NFKB1: variants seen among roughly 807,000 people sequenced by gnomAD.
NFKB1 encodes the protein nuclear factor kappa B subunit 1.
In NFKB1, 9 loss-of-function variants were observed where a neutral mutation model predicts 105.1. The observed-to-expected ratio is 0.09, with a 90% CI of 0.05 to 0.15. The LOEUF (loss-of-function observed/expected upper bound fraction) is 0.15. Ranked by LOEUF, NFKB1 falls within the 10% of genes least tolerant of loss-of-function variation. The pLI, the probability that NFKB1 is intolerant of heterozygous loss-of-function variation, is 1.00. For missense variants in NFKB1, 830 were observed against 1,203.7 expected, an observed-to-expected ratio of 0.69 and a Z score of 4.59; for synonymous variants, 440 against 442.2, an observed-to-expected ratio of 1.00 and a Z score of 0.06.
chr4:102,607,221 G>A lies in NFKB1; in HGVS notation c.2026G>A (p.Ala676Thr). 1 of 1,614,200 alleles carries A rather than the reference G, an allele frequency of 6.2e-7. No homozygotes were observed. The change falls in exon 18 of 24, where the codon GCT becomes ACT. Residue 676 changes from alanine (A) to threonine (T), a missense_variant. Physicochemically the swap from Ala to Thr is moderately conservative, Grantham distance 58. Transcript: ENST00000226574. ...PCLLLLVAAG[A>T]DVNAQEQKSG... ...TTTGCTGCTGCTGGTGGCCGCTGGG[G>A]CTGACGTCAATGCTCAGGAGCAGAA...
At chr4:102,601,152 C>T in intron 16 of NFKB1, 143 bp downstream of exon 16, 1 of 593,772 alleles carries the variant, frequency 1.7e-6, no homozygotes, top group Non-Finnish European at 3.0e-6. Context: ...TCTAAAATCC[C>T]ATTAGTTGAG....
intron 1 of NFKB1, chr4:102,511,052 T>C: frequency 1.4e-6 from 1 of 732,686 alleles, no homozygotes; most frequent in Non-Finnish European, 1.9e-6. Flanking sequence ...TTATAGAAGC[T>C]CTTCCATCTT....
chr4:102,556,039 CTG>C (rs1223508833), intron 5 of NFKB1, among the ~76,000 whole-genome samples: 11 of 152,072 alleles, frequency 7.2e-5, no homozygotes, highest in African/African-American at 2.4e-4. Context: ...AAGGGACAAA[CTG>C]AGATTTTTGG....
At chr4:102,600,149 AC>A (rs1468334298) in intron 15 of NFKB1, among the ~76,000 whole-genome samples, 3 of 152,212 alleles carry the variant, frequency 2.0e-5, no homozygotes, top group African/African-American at 7.2e-5. Context: ...AACTTGCTCC[AC>A]CTAGGAGGTT....
intron 1 of NFKB1, among the ~76,000 whole-genome samples, chr4:102,504,227 T>C (rs746077140): frequency 6.6e-6 from 1 of 152,164 alleles, no homozygotes; most frequent in Non-Finnish European, 1.5e-5. Context: ...CATCTTCGGG[T>C]CTTAGTAGAT....
In NFKB1 at chr4:102,601,127, C is replaced by T. The variant is rs147731013; in HGVS notation, c.1752+118C>T. 1.9e-4 allele frequency: 123 copies of T among 635,382 alleles called. No individual in the cohort carries two copies. In the African/African-American group the frequency reaches 2.0e-3, roughly 10 times the overall value. 39.4% of individuals were successfully genotyped at this position (635,382 alleles called of 1,614,324 possible). ...TAACAGTAGCAAAAACAAAAACAAA[C>T]CTTTGTAGGTAATATCTAAAATCCC... On this transcript the variant is annotated intron_variant, in intron 16 of 23. Coordinates refer to ENST00000226574, the MANE Select transcript of NFKB1 (RefSeq NM_003998.4).
chr4:102,574,397 T>TG (rs1397884390), intron 6 of NFKB1, among the ~76,000 whole-genome samples: 2 of 152,356 alleles, frequency 1.3e-5, no homozygotes, highest in East Asian at 3.9e-4. Context: ...CCTCCACCTC[T>TG]GTGGTGGTTC....
intron 5 of NFKB1, among the ~76,000 whole-genome samples, chr4:102,538,961 G>A (rs868035876): frequency 2.6e-5 from 4 of 151,946 alleles, no homozygotes; most frequent in South Asian, 2.1e-4. Context: ...AAATCTGGCC[G>A]GGCTCGTTGA....
In NFKB1 at chr4:102,616,701, C is replaced by T. The variant is rs1001852808; in HGVS notation, c.*107C>T. ...TCCAAAGGTGCTCAGAGAGCCGGCC[C>T]GCCTGAATCATTCTCGATTTAACTC... On this transcript the variant is annotated 3_prime_UTR_variant, in exon 24 of 24. Coordinates refer to ENST00000226574, the MANE Select transcript of NFKB1 (RefSeq NM_003998.4). 10 of 1,128,742 alleles carry T rather than the reference C, an allele frequency of 8.9e-6. No individual in the cohort carries two copies. In the East Asian group the frequency reaches 1.2e-4, roughly 14 times the overall value. The allele number at this position is 1,128,742 out of a possible 1,614,324, so 69.9% of individuals were successfully genotyped here.
intron 1 of NFKB1, among the ~76,000 whole-genome samples, chr4:102,524,600 T>A (rs1426204951): frequency 6.6e-6 from 1 of 152,170 alleles, no homozygotes; most frequent in African/African-American, 2.4e-5. Context: ...ATTATTAACA[T>A]TGTAATATGT....
At chr4:102,578,814 T>A in intron 7 of NFKB1, 67 bp from the exon 8 acceptor site, 1 of 1,527,506 alleles carries the variant, frequency 6.5e-7, no homozygotes, top group Non-Finnish European at 8.9e-7. Context: ...TTGGGCTTTA[T>A]AAAAGCATGG....
chr4:102,566,344 A>G (rs1578770250), intron 5 of NFKB1, among the ~76,000 whole-genome samples: 1 of 152,302 alleles, frequency 6.6e-6, no homozygotes, highest in South Asian at 2.1e-4. Context: ...ACTTTTTTGA[A>G]TTGAAGAAAC....
At chr4:102,511,169 A>G (rs1739757599) in intron 1 of NFKB1, among the ~76,000 whole-genome samples, 1 of 152,222 alleles carries the variant, frequency 6.6e-6, no homozygotes, top group African/African-American at 2.4e-5. Context: ...ATGGTACACA[A>G]GATGATGTTT....
Position 102,582,956 on chromosome 4 carries a change from A to G in NFKB1, c.926A>G (p.Gln309Arg), listed in dbSNP as rs1725428816. The G allele has an allele frequency of 6.3e-7, 1 of 1,591,844 alleles. No homozygotes were observed. The highest frequency in any genetic ancestry group is 8.6e-7 in the Non-Finnish European group (1 of 1,160,718). ...GDFSPTDVHR[Q>R]FAIVFKTPKY... is the part of the protein sequence containing the mutation. Reference sequence around the variant, plus strand: ...TTTTCCCCCACAGATGTTCATAGACAAGTAAGTGATTTATTATTATTATTA... The same window carrying G: ...TTTTCCCCCACAGATGTTCATAGACGAGTAAGTGATTTATTATTATTATTA... Residue 309 changes from glutamine (Q) to arginine (R), a missense_variant and splice_region_variant, in exon 10 of 24, where the codon CAA becomes CGA. By Grantham distance (43) the Gln-to-Arg change is conservative (BLOSUM62 1). Transcript: ENST00000226574.
intron 1 of NFKB1, among the ~76,000 whole-genome samples, chr4:102,510,421 A>G (rs1323730114): frequency 6.6e-6 from 1 of 152,222 alleles, no homozygotes; most frequent in Non-Finnish European, 1.5e-5. Flanking sequence ...GTTCTGTAAA[A>G]AAAATGAGGT....
intron 11 of NFKB1, among the ~76,000 whole-genome samples, chr4:102,587,209 T>C (rs1013268579): frequency 1.3e-5 from 2 of 152,228 alleles, no homozygotes; most frequent in African/African-American, 4.8e-5. Flanking sequence ...GCTGGAGGTC[T>C]TTTGAATGCT....
At chr4:102,545,370 A>G (rs184955087) in intron 5 of NFKB1, among the ~76,000 whole-genome samples, 17 of 152,278 alleles carry the variant, frequency 1.1e-4, no homozygotes, top group Admixed American at 1.0e-3. Context: ...CCTTCTACCC[A>G]ACAGAATGAT....
intron 6 of NFKB1, among the ~76,000 whole-genome samples, chr4:102,568,971 T>C (rs2149170803): frequency 6.6e-6 from 1 of 152,234 alleles, no homozygotes; most frequent in South Asian, 2.1e-4. Context: ...CAGTGAGAAA[T>C]TTAATCAAGA....
intron 1 of NFKB1, among the ~76,000 whole-genome samples, chr4:102,525,236 A>G (rs1342731046): frequency 1.3e-5 from 2 of 149,562 alleles, no homozygotes; most frequent in South Asian, 2.1e-4. Context: ...AAGCATAAAG[A>G]TGATTTGTAC....
Sources: allele counts gnomAD v4.1 joint callset (sites outside exome capture counted in the v4.1 genomes callset), GRCh38; gene constraint gnomAD v4.1.1; transcripts MANE v1.5; gene names NCBI Gene and HGNC (gene_info 2026-07-23, HGNC 2026-07-21).